Variants in AP2B1 observed in about 807,000 individuals in gnomAD.
The protein encoded by AP2B1 is AP-2 complex subunit beta.
In AP2B1, 23 loss-of-function variants were observed where a neutral mutation model predicts 102.0. That is an observed-to-expected ratio of 0.23 (90% CI 0.16 to 0.32). The LOEUF (loss-of-function observed/expected upper bound fraction) is 0.32. Among genes scored for constraint, AP2B1 ranks in the 10% least tolerant of loss-of-function variants. The pLI is 1.00. For missense variants in AP2B1, 541 were observed against 1,157.4 expected (o/e 0.47, Z 7.73); for synonymous variants, 381 against 421.2 (o/e 0.90, Z 1.17).
chr17:35,596,998 C>G, intron 2 of AP2B1: 2 of 648,454 alleles, frequency 3.1e-6, no homozygotes, highest in East Asian at 3.5e-5. Context: ...GAGCCTGGCG[C>G]CTGCACGGTC....
At chr17:35,610,153 A>T (rs963634777) in intron 5 of AP2B1, among the ~76,000 whole-genome samples, 1 of 149,662 alleles carries the variant, frequency 6.7e-6, no homozygotes, top group Non-Finnish European at 1.5e-5. Context: ...TTTATTTTTT[A>T]TTTTTTTTTG....
chr17:35,676,317 G>T (rs900262875), intron 17 of AP2B1, among the ~76,000 whole-genome samples: 2 of 151,742 alleles, frequency 1.3e-5, no homozygotes, highest in African/African-American at 4.8e-5. Flanking sequence ...CTTGTTCTTT[G>T]TAAGTCAGTC....
chr17:35,606,255 T>G (rs1242162079), intron 4 of AP2B1, among the ~76,000 whole-genome samples: 2 of 152,114 alleles, frequency 1.3e-5, no homozygotes, highest in Admixed American at 1.3e-4. Context: ...TTTTTTTTTT[T>G]TTGATACAGA....
intron 5 of AP2B1, among the ~76,000 whole-genome samples, chr17:35,610,345 ACCATGTTGG>A (rs1002720582): frequency 6.6e-6 from 1 of 151,894 alleles, no homozygotes; most frequent in African/African-American, 2.4e-5. Context: ...ACGACGTTGC[ACCATGTTGG>A]CCAGGCTGGT....
At chr17:35,647,713 A>G (rs71381465) in intron 12 of AP2B1, among the ~76,000 whole-genome samples, 11,104 of 152,240 alleles carry the variant, frequency 0.073, 467 homozygotes, top group Middle Eastern at 0.11. Context: ...TTAAATCTAT[A>G]TAGTCAAAAA....
In AP2B1 at chr17:35,624,473, C is replaced by G. The variant is rs2074264476; in HGVS notation, c.602C>G (p.Pro201Arg). ...AACAGCAACTTACTTGATCTGAACC[C>G]ACAGAACATTAATAAGCTGCTGACA... ...HPNSNLLDLN[P>R]QNINKLLTAL... is the part of the protein sequence containing the mutation. Residue 201 changes from proline to arginine, a missense_variant, in exon 6 of 22, where the codon CCA (proline) becomes CGA (arginine). Pro to Arg is a moderately radical substitution (Grantham distance 103). Around this residue, in one of 10 missense-constraint regions of AP2B1, gnomAD observed 134 missense variants for 250.2 expected, o/e 0.54. Transcript: ENST00000610402. 6.2e-7 allele frequency: 1 copy of G among 1,614,030 alleles called. No homozygotes were observed. The highest frequency in any genetic ancestry group is 1.7e-5 in the Admixed American group (1 of 59,998).
rs1218640566 is a variant in AP2B1, at chr17:35,636,460, T to C, written c.1271+4T>C. The C allele has an allele frequency of 6.2e-7, 1 of 1,602,868 alleles. No homozygotes were observed. The highest frequency in any genetic ancestry group is 1.1e-5 in the South Asian group (1 of 90,834). ...TCTTCCGCAAATACCCCAACAAGTATGTCCAAATACCTTTACCCCTCTTTC... is the reference window on the plus strand; with the variant it reads ...TCTTCCGCAAATACCCCAACAAGTACGTCCAAATACCTTTACCCCTCTTTC... On this transcript the variant is annotated splice_donor_region_variant and intron_variant, in intron 10 of 21. Transcript: ENST00000610402.
Position 35,720,545 on chromosome 17 carries a change from T to TATATA in AP2B1, c.2782-3080_2782-3079insATATA, listed in dbSNP as rs1568062926. Among the ~76,000 whole-genome samples the TATATA allele has an allele frequency of 6.9e-3, 374 of 54,304 alleles. 24 individuals are homozygous for TATATA. The highest frequency in any genetic ancestry group is 0.018 in the Middle Eastern group (1 of 56). The allele number at this position is 54,304 out of a possible 152,430, so 35.6% of individuals were successfully genotyped here. A position where few individuals can be genotyped will look rare whatever the true frequency, so the allele number is the denominator to read the frequency against. On this transcript the variant is annotated intron_variant, in intron 21 of 21. Coordinates refer to ENST00000610402, the MANE Select transcript of AP2B1 (RefSeq NM_001030006.2). Reference sequence around the variant, plus strand: ...TTTGTCCCATATATTTTTATTTTATTTATATATATATATATATATATATAT... The same window carrying TATATA: ...TTTGTCCCATATATTTTTATTTTATTATATATATATATATATATATATATATATAT...
intron 21 of AP2B1, among the ~76,000 whole-genome samples, chr17:35,719,827 C>A (rs931408646): frequency 1.3e-5 from 2 of 152,158 alleles, no homozygotes; most frequent in African/African-American, 4.8e-5. Context: ...GGGACCCCAT[C>A]TTTATTAAAA....
At chr17:35,601,564 C>T (rs539939208) in intron 3 of AP2B1, among the ~76,000 whole-genome samples, 19 of 152,114 alleles carry the variant, frequency 1.2e-4, no homozygotes, top group African/African-American at 2.2e-4. Context: ...CCACCATGCC[C>T]GGCCAAGATT....
chr17:35,649,514 C>A lies in AP2B1; in HGVS notation c.1537-1016C>A, dbSNP rs574020416. Among the ~76,000 whole-genome samples the A allele has an allele frequency of 3.8e-4, 58 of 152,330 alleles. No homozygotes were observed. The South Asian group carries it at 5.0e-3, about 13-fold the overall frequency. ...CAATCTCCTGGCCTCAGGTGATCCT[C>A]CCGCCTCGGCTTCCCAAAGTGCTGG... On this transcript the variant is annotated intron_variant, in intron 12 of 21. Transcript: ENST00000610402.
In AP2B1 at chr17:35,709,237, A is replaced by G. The variant is rs2076401293; in HGVS notation, c.2468A>G (p.Asn823Ser). The G allele has an allele frequency of 1.2e-6, 2 of 1,613,930 alleles. No homozygotes were observed. Among genetic ancestry groups the G allele is most frequent in the African/African-American group, 1.3e-5 (1 of 74,884 alleles). ...CTTTCCTGGCAGGTGGCTGTGAAAAACAATATCGATGTCTTCTACTTCAGC... is the reference window on the plus strand; with the variant it reads ...CTTTCCTGGCAGGTGGCTGTGAAAAGCAATATCGATGTCTTCTACTTCAGC... ...PLNNLQVAVK[N>S]NIDVFYFSCL... The change falls in exon 19 of 22, where the codon AAC becomes AGC. Residue 823 changes from asparagine (N) to serine (S), a missense_variant. Asn to Ser is a conservative substitution (Grantham distance 46, BLOSUM62 1). Around this residue, in one of 10 missense-constraint regions of AP2B1, gnomAD observed 117 missense variants for 206.7 expected, o/e 0.57. Coordinates refer to ENST00000610402, the MANE Select transcript of AP2B1 (RefSeq NM_001030006.2).
intron 14 of AP2B1, among the ~76,000 whole-genome samples, chr17:35,658,730 T>C (rs1233035491): frequency 1.3e-5 from 2 of 152,310 alleles, no homozygotes; most frequent in Non-Finnish European, 2.9e-5. Context: ...TGAAAATATG[T>C]GTTCCCAGAG....
Position 35,710,222 on chromosome 17 carries a change from T to C in AP2B1, c.2540-12T>C. 2.5e-6 allele frequency: 4 copies of C among 1,598,254 alleles called. No homozygotes were observed. Among genetic ancestry groups the C allele is most frequent in the Non-Finnish European group, 2.6e-6 (3 of 1,165,718 alleles). ...ATGCACATCCATCCTTCCCCTCTGC[T>C]TTCCCATACAGAGCGCCAGGTCTTC... is the stretch of plus-strand genomic sequence containing the variant. On this transcript the variant is annotated splice_polypyrimidine_tract_variant and intron_variant, in intron 19 of 21. Transcript: ENST00000610402.
intron 14 of AP2B1, 30 bp from the exon 15 acceptor site, chr17:35,670,823 CCTCT>C (rs1218280245): frequency 3.1e-6 from 5 of 1,609,294 alleles, no homozygotes; most frequent in Non-Finnish European, 4.3e-6. Flanking sequence ...ATGAACTCTA[CCTCT>C]CTCTCCTCTC....
intron 1 of AP2B1, chr17:35,588,476 A>C (rs1478766647): frequency 1.3e-5 from 2 of 152,166 alleles, no homozygotes; most frequent in African/African-American, 4.8e-5. Flanking sequence ...ATGTTTTGAA[A>C]ACTGCCAAAG....
In AP2B1 at chr17:35,724,377, T is replaced by G. The variant is rs1555594433; in HGVS notation, c.*678T>G. The G allele has an allele frequency of 6.6e-6, 1 of 152,222 alleles. No individual in the cohort carries two copies. Among genetic ancestry groups the G allele is most frequent in the African/African-American group, 2.4e-5 (1 of 41,424 alleles). 9.4% of individuals were successfully genotyped at this position (152,222 alleles called of 1,614,324 possible). A position where few individuals can be genotyped will look rare whatever the true frequency, so the allele number is the denominator to read the frequency against. On this transcript the variant is annotated 3_prime_UTR_variant, in exon 22 of 22. Coordinates refer to ENST00000610402, the MANE Select transcript of AP2B1 (RefSeq NM_001030006.2). ...ATAATCTCATTTGATTGCTCTGCAGTTGGGAACGGTGATCTTCTTGAATGA... is the reference window on the plus strand; with the variant it reads ...ATAATCTCATTTGATTGCTCTGCAGGTGGGAACGGTGATCTTCTTGAATGA...
intron 17 of AP2B1, among the ~76,000 whole-genome samples, chr17:35,679,229 G>A (rs986425194): frequency 6.6e-6 from 1 of 152,058 alleles, no homozygotes; most frequent in Non-Finnish European, 1.5e-5. Context: ...CAGCTTCTTA[G>A]CCTCTCTGAA....
chr17:35,640,059 G>C (rs1161686606), intron 11 of AP2B1, among the ~76,000 whole-genome samples: 2 of 151,802 alleles, frequency 1.3e-5, no homozygotes, highest in South Asian at 2.1e-4. Flanking sequence ...TGGGATTATA[G>C]GTGTGCACCA....
Sources: allele counts gnomAD v4.1 joint callset (sites outside exome capture counted in the v4.1 genomes callset), GRCh38; gene constraint gnomAD v4.1.1; regional missense constraint gnomAD v4.1.1; transcripts MANE v1.5; gene names NCBI Gene and HGNC (gene_info 2026-07-23, HGNC 2026-07-21).